Variants in ANO7 observed in about 807,000 individuals in gnomAD.
The protein encoded by ANO7 is anoctamin-7.
A neutral mutation model predicts 115.8 loss-of-function variants in ANO7; 114 were observed. The observed-to-expected ratio is 0.98, with a 90% CI of 0.85 to 1.15. The LOEUF (loss-of-function observed/expected upper bound fraction) is 1.15. Among genes scored for constraint, ANO7 ranks in the 50% most tolerant of loss-of-function variants. The pLI is 0.00. For missense variants in ANO7, 1,302 were observed against 1,201.2 expected, an observed-to-expected ratio of 1.08 and a Z score of -1.24; for synonymous variants, 550 against 498.2, an observed-to-expected ratio of 1.10 and a Z score of -1.38.
intron 3 of ANO7, among the ~76,000 whole-genome samples, chr2:241,194,877 T>C (rs11676246): frequency 0.63 from 95,516 of 152,110 alleles, 32,952 homozygotes; most frequent in Middle Eastern, 0.82. Flanking sequence ...ATAGATCCCC[T>C]GCAGTTAAGG....
the ANO7 span, chr2:241,240,105 A>G: frequency 2.5e-4 from 406 of 1,614,172 alleles, 3 homozygotes; most frequent in African/African-American, 4.2e-3. The surrounding 1 kb of genome is among the most constrained non-coding windows in gnomAD (Gnocchi z 5.5). Flanking sequence ...GGATGTCAAC[A>G]GTGAAACTCT....
Position 241,216,332 on chromosome 2 carries a change from T to A in ANO7, c.1972+94T>A, listed in dbSNP as rs1017039070. ...AGGGCCTCCCAGCCTGACATTCCTG[T>A]GTCTGCATCTGCCCTGAAATGTGCT... On this transcript the variant is annotated intron_variant, in intron 19 of 24. Coordinates refer to ENST00000674324, the MANE Select transcript of ANO7 (RefSeq NM_001370694.2). 3.3e-5 allele frequency: 46 copies of A among 1,409,312 alleles called. No individual in the cohort carries two copies. In the East Asian group the frequency reaches 1.1e-3, roughly 34 times the overall value. The allele number at this position is 1,409,312 out of a possible 1,614,324, so 87.3% of individuals were successfully genotyped here. A position where few individuals can be genotyped will look rare whatever the true frequency, so the allele number is the denominator to read the frequency against.
chr2:241,209,112 G>GCACT (rs2068658983), intron 11 of ANO7, among the ~76,000 whole-genome samples, 173 bp from the exon 12 acceptor site: 1 of 152,206 alleles, frequency 6.6e-6, no homozygotes, highest in Non-Finnish European at 1.5e-5. Context: ...TCGCGCCACT[G>GCACT]CACTCCAGCC....
At chr2:241,230,435 G>GTGTT (rs1258211143), downstream of ANO7, among the ~76,000 whole-genome samples, 1 of 152,256 alleles carries the variant, frequency 6.6e-6, no homozygotes, top group Non-Finnish European at 1.5e-5. The surrounding 1 kb of genome is among the most constrained non-coding windows in gnomAD (Gnocchi z 5.0). Flanking sequence ...CAAGTTAGGT[G>GTGTT]TATCTCAGGA....
chr2:241,212,446 T>C lies in ANO7; in HGVS notation c.1674-126T>C. 6.2e-6 allele frequency: 7 copies of C among 1,124,680 alleles called. No homozygotes were observed. The South Asian group carries it at 9.3e-5, about 15-fold the overall frequency. The allele number at this position is 1,124,680 out of a possible 1,614,324, so 69.7% of individuals were successfully genotyped here. A position where few individuals can be genotyped will look rare whatever the true frequency, so the allele number is the denominator to read the frequency against. ...AGGAGGCCCAGCTCACAACCGGGAC[T>C]CTACGCCACAGTTCGTGCTTCCTCC... On this transcript the variant is annotated intron_variant, in intron 16 of 24. Coordinates refer to ENST00000674324, the MANE Select transcript of ANO7 (RefSeq NM_001370694.2).
intron 4 of ANO7, among the ~76,000 whole-genome samples, chr2:241,198,061 C>T (rs544138163): frequency 3.0e-4 from 45 of 152,330 alleles, no homozygotes; most frequent in Admixed American, 3.3e-4. Context: ...GGCTGGCTGT[C>T]CTGGTCATGA....
rs781523400 is a variant in ANO7 at position 241,191,171 on chromosome 2, TCTC to T, written c.109-21_109-19del. The T allele has an allele frequency of 2.4e-4, 387 of 1,613,606 alleles. 1 individual carries two copies. The highest frequency in any genetic ancestry group is 3.1e-4 in the Non-Finnish European group (368 of 1,179,882). ...GGGCAGATGCTGATGCTGATATGCT[TCTC>T]CATCCTCCATGCCTTCCAGCCAGGT... On this transcript the variant is annotated intron_variant, in intron 2 of 24. Coordinates refer to ENST00000674324, the MANE Select transcript of ANO7 (RefSeq NM_001370694.2).
At chr2:241,214,132 A>G (rs980668590) in intron 17 of ANO7, among the ~76,000 whole-genome samples, 12 of 152,052 alleles carry the variant, frequency 7.9e-5, no homozygotes, top group African/African-American at 2.9e-4. Flanking sequence ...TAAAAATGCA[A>G]AAATTGGCCA....
chr2:241,233,550 G>A, the ANO7 span, among the ~76,000 whole-genome samples: 1 of 152,108 alleles, frequency 6.6e-6, no homozygotes, highest in African/African-American at 2.4e-5. This position sits in a 1 kb window ranked among gnomAD's most constrained non-coding sequence, Gnocchi z 4.3. Flanking sequence ...ACTGATCAAG[G>A]ACCCAGCTGG....
intron 1 of ANO7, among the ~76,000 whole-genome samples, chr2:241,189,138 G>A (rs371899092): frequency 2.6e-5 from 4 of 152,128 alleles, no homozygotes; most frequent in East Asian, 1.9e-4. Flanking sequence ...GAAACTCCTC[G>A]GGGACTTTCC....
chr2:241,213,028 A>G (rs755077811), intron 17 of ANO7, among the ~76,000 whole-genome samples: 4 of 152,206 alleles, frequency 2.6e-5, no homozygotes, highest in Non-Finnish European at 4.4e-5. Flanking sequence ...CCCAGCCCGT[A>G]TTACTCTTTC....
In ANO7 at chr2:241,209,502, G is replaced by A. The variant is rs1266535990; in HGVS notation, c.1226G>A (p.Arg409Lys). 1 of 1,593,522 alleles carries A rather than the reference G, an allele frequency of 6.3e-7. No individual in the cohort carries two copies. Residue 409 changes from arginine to lysine, a missense_variant, in exon 13 of 25, where the codon AGG (arginine) becomes AAG (lysine). Arg to Lys is a conservative substitution (Grantham distance 26, BLOSUM62 2). Transcript: ENST00000674324. ...TGAGCACCGGCTCCCTTCCAGGAGA[G>A]GCCTCGGCCCCAGTTTGCCGCCTCA... is the stretch of plus-strand genomic sequence containing the variant. Reference protein sequence around the residue: ...DCSDYEDTEERPRPQFAASAP... With the variant: ...DCSDYEDTEEKPRPQFAASAP...
chr2:241,203,057 G>A lies in ANO7; in HGVS notation c.724-276G>A, dbSNP rs529547753. Among the ~76,000 whole-genome samples the A allele has an allele frequency of 6.6e-6, 1 of 152,314 alleles. No individual in the cohort carries two copies. The highest frequency in any genetic ancestry group is 2.4e-5 in the African/African-American group (1 of 41,572). ...TGCTGGACCCTGGACCACCGCCACTGGCTTCTCTCAGGGTGGCCTCTCCAG... is the reference window on the plus strand; with the variant it reads ...TGCTGGACCCTGGACCACCGCCACTAGCTTCTCTCAGGGTGGCCTCTCCAG... On this transcript the variant is annotated intron_variant, in intron 8 of 24. Coordinates refer to ENST00000674324, the MANE Select transcript of ANO7 (RefSeq NM_001370694.2). The surrounding 1 kb of genome is among the most constrained non-coding windows in gnomAD (Gnocchi z 4.8).
Position 241,207,649 on chromosome 2 carries a change from C to A in ANO7, c.1056C>A (p.Ser352=). 1.2e-6 allele frequency: 2 copies of A among 1,613,856 alleles called. No homozygotes were observed. The highest frequency in any genetic ancestry group is 1.7e-6 in the Non-Finnish European group (2 of 1,179,978). The change falls in exon 11 of 25, where the codon TCC becomes TCA. Residue 352 remains serine (S), a synonymous_variant. Transcript: ENST00000674324. ...TCGACTGCCCTTTCTGGCTGCTCTCCAGCGCCTGTGCCCTGGCCCAGGTAC... is the reference window on the plus strand; with the variant it reads ...TCGACTGCCCTTTCTGGCTGCTCTCAAGCGCCTGTGCCCTGGCCCAGGTAC... ...LCLDCPFWLL[S]SACALAQAGR...
the ANO7 span, chr2:241,231,234 A>C: frequency 3.4e-6 from 1 of 294,828 alleles, no homozygotes; most frequent in Non-Finnish European, 6.5e-6. Context: ...AAAATACAAT[A>C]TTAGCCGGGC....
intron 21 of ANO7, among the ~76,000 whole-genome samples, chr2:241,222,303 C>T (rs558470167): frequency 8.5e-4 from 129 of 152,050 alleles, no homozygotes; most frequent in Non-Finnish European, 9.0e-4. Flanking sequence ...TGAGCCACCG[C>T]GCCCGGCTGA....
At chr2:241,200,063 G>C in intron 5 of ANO7, 26 bp from the exon 6 acceptor site, 4 of 1,607,594 alleles carry the variant, frequency 2.5e-6, no homozygotes, top group Non-Finnish European at 2.5e-6. Context: ...CCGGGAGTGG[G>C]AGGAGCCACT....
At chr2:241,235,045 A>G in the ANO7 span, 1 of 1,551,482 alleles carries the variant, frequency 6.4e-7, no homozygotes, top group Non-Finnish European at 8.8e-7. Context: ...ATCCTGAAGA[A>G]CTTCCCTAGA....
intron 8 of ANO7, among the ~76,000 whole-genome samples, chr2:241,202,527 G>A (rs1004899269): frequency 3.9e-5 from 6 of 152,210 alleles, no homozygotes; most frequent in South Asian, 2.1e-4. Flanking sequence ...CCCACACTGC[G>A]GTGCCCAACA....
Sources: allele counts gnomAD v4.1 joint callset (sites outside exome capture counted in the v4.1 genomes callset), GRCh38; gene constraint gnomAD v4.1.1; non-coding constraint Gnocchi (gnomAD v3.1); transcripts MANE v1.5; gene names NCBI Gene and HGNC (gene_info 2026-07-23, HGNC 2026-07-21).